The following PTPRD variants were observed in gnomAD, a reference collection of about 807,000 sequenced individuals.
PTPRD encodes the protein receptor-type tyrosine-protein phosphatase delta.
A neutral mutation model predicts 214.5 loss-of-function variants in PTPRD; 34 were observed. The ratio of observed to expected loss-of-function variants is 0.16; its 90% CI spans 0.12 to 0.21. PTPRD has a LOEUF of 0.21. Among genes scored for constraint, PTPRD ranks in the 10% least tolerant of loss-of-function variants. The probability of loss-of-function intolerance (pLI) is 1.00; values close to 1 mark genes in which losing one functional copy is unlikely to be tolerated. For missense variants in PTPRD, 2,545 were observed against 2,398.7 expected (o/e 1.06, Z -1.27); for synonymous variants, 1,128 against 845.7 (o/e 1.33, Z -5.79).
chr9:9,032,306 TG>T (rs2099608126), intron 10 of PTPRD, among the ~76,000 whole-genome samples: 1 of 152,094 alleles, frequency 6.6e-6, no homozygotes, highest in Non-Finnish European at 1.5e-5. Context: ...TTGCTTTTCA[TG>T]GTGTGGCATT....
At chr9:9,036,191 T>C (rs2099621178) in intron 10 of PTPRD, among the ~76,000 whole-genome samples, 1 of 144,868 alleles carries the variant, frequency 6.9e-6, no homozygotes, top group African/African-American at 2.6e-5. Context: ...CCTCCTCATT[T>C]GCAAATTTTC....
At chr9:9,808,947 TGTA>T (rs1457786582) in intron 5 of PTPRD, among the ~76,000 whole-genome samples, 1 of 99,082 alleles carries the variant, frequency 1.0e-5, no homozygotes, top group East Asian at 5.5e-4. Context: ...ATTTTTATTT[TGTA>T]TTTTTTTTTT....
chr9:8,548,454 C>G lies in PTPRD; in HGVS notation c.353-19675G>C, dbSNP rs147084603. On this transcript the variant is annotated intron_variant, in intron 14 of 45. Coordinates refer to ENST00000381196, the MANE Select transcript of PTPRD (RefSeq NM_002839.4). The stretch of plus-strand genomic sequence containing the variant: ...ACAATCTCATCTCACTGCAACCTCA[C>G]CCTCCCAGGTTCAAGCGATTCTTGT... 2.1e-3 allele frequency among the ~76,000 whole-genome samples: 324 copies of G among 152,052 alleles called. 1 individual carries two copies. The highest frequency in any genetic ancestry group is 4.0e-3 in the Non-Finnish European group (270 of 67,968).
intron 3 of PTPRD, among the ~76,000 whole-genome samples, chr9:10,088,075 C>G (rs2098378584): frequency 6.6e-6 from 1 of 151,702 alleles, no homozygotes; most frequent in Non-Finnish European, 1.5e-5. Flanking sequence ...TTCATCCATT[C>G]ACGAATTTAC....
chr9:10,188,083 A>T (rs902836453), intron 3 of PTPRD, among the ~76,000 whole-genome samples: 1 of 152,196 alleles, frequency 6.6e-6, no homozygotes, highest in African/African-American at 2.4e-5. Flanking sequence ...TGCTAACATT[A>T]TTTAACATTA....
At chr9:10,049,598 A>C (rs1036142196) in intron 3 of PTPRD, among the ~76,000 whole-genome samples, 2 of 152,296 alleles carry the variant, frequency 1.3e-5, no homozygotes, top group Non-Finnish European at 2.9e-5. Flanking sequence ...TTTGAAGAGA[A>C]AGTTAATTTG....
chr9:10,283,125 T>TACACACACACAC lies in PTPRD; in HGVS notation c.-545+57826_-545+57837dup, dbSNP rs58492445. On this transcript the variant is annotated intron_variant, in intron 3 of 45. Transcript: ENST00000381196. Reference sequence around the variant, plus strand: ...ATTCCTCAAAACCTGCCTGCATATGTACACACACACACACACACACACAAA... The same window carrying TACACACACACAC: ...ATTCCTCAAAACCTGCCTGCATATGTACACACACACACACACACACACACACACACACACAAA... 4.0e-5 allele frequency among the ~76,000 whole-genome samples: 6 copies of TACACACACACAC among 149,494 alleles called. No individual in the cohort carries two copies. In the South Asian group the frequency reaches 6.3e-4, roughly 16 times the overall value.
chr9:10,465,996 C>A (rs995495048), intron 2 of PTPRD, among the ~76,000 whole-genome samples: 7 of 152,080 alleles, frequency 4.6e-5, no homozygotes, highest in African/African-American at 1.7e-4. Flanking sequence ...ACTATGATTA[C>A]CGATTGAAAA....
chr9:8,948,347 G>A (rs1335348962), intron 11 of PTPRD, among the ~76,000 whole-genome samples: 1 of 134,718 alleles, frequency 7.4e-6, no homozygotes, highest in Admixed American at 8.6e-5. Context: ...CTATGCCCAT[G>A]CATCTTCAAT....
intron 9 of PTPRD, among the ~76,000 whole-genome samples, chr9:9,359,081 T>C (rs1289183898): frequency 6.6e-6 from 1 of 151,360 alleles, no homozygotes; most frequent in East Asian, 1.9e-4. Context: ...TATCTCAAAC[T>C]GTGAATACTG....
chr9:9,990,061 G>A (rs1429642282), intron 4 of PTPRD, among the ~76,000 whole-genome samples: 13 of 152,202 alleles, frequency 8.5e-5, no homozygotes, highest in South Asian at 4.1e-4. Flanking sequence ...CCTTGTCCTC[G>A]GACTTTCCTC....
At chr9:9,007,045 A>T (rs1277633380) in intron 11 of PTPRD, among the ~76,000 whole-genome samples, 1 of 151,964 alleles carries the variant, frequency 6.6e-6, no homozygotes, top group Non-Finnish European at 1.5e-5. Context: ...AGTTCAGCTT[A>T]TCTTAACTTC....
At chr9:10,183,256 G>A (rs942773117) in intron 3 of PTPRD, among the ~76,000 whole-genome samples, 1 of 152,032 alleles carries the variant, frequency 6.6e-6, no homozygotes, top group South Asian at 2.1e-4. Flanking sequence ...GGGTACCTCA[G>A]AAAAACAGAG....
At chr9:8,547,641 T>TAAAAAAA (rs759867541) in intron 14 of PTPRD, among the ~76,000 whole-genome samples, 1 of 110,974 alleles carries the variant, frequency 9.0e-6, no homozygotes. Flanking sequence ...GAATCCTATT[T>TAAAAAAA]AAAAAAAAAA....
intron 12 of PTPRD, among the ~76,000 whole-genome samples, chr9:8,651,117 A>T (rs979808295): frequency 5.9e-5 from 9 of 152,214 alleles, no homozygotes; most frequent in African/African-American, 2.2e-4. Flanking sequence ...CAAATATCCA[A>T]ATTCTTTTTT....
At chr9:10,115,898 A>G (rs2098727051) in intron 3 of PTPRD, among the ~76,000 whole-genome samples, 1 of 152,088 alleles carries the variant, frequency 6.6e-6, no homozygotes, top group African/African-American at 2.4e-5. Context: ...CTAAGTAAAA[A>G]CAAAATCTCT....
intron 8 of PTPRD, among the ~76,000 whole-genome samples, chr9:9,433,490 T>G (rs1034455225): frequency 6.6e-6 from 1 of 152,212 alleles, no homozygotes; most frequent in African/African-American, 2.4e-5. Context: ...CTTTTTATTT[T>G]TTTAAAGTGC....
intron 14 of PTPRD, among the ~76,000 whole-genome samples, chr9:8,575,208 C>T (rs907075096): frequency 1.3e-5 from 2 of 151,954 alleles, no homozygotes; most frequent in Non-Finnish European, 2.9e-5. Flanking sequence ...CTAAATTGTT[C>T]CTGAAATTAA....
At chr9:9,505,446 G>A (rs896043982) in intron 8 of PTPRD, among the ~76,000 whole-genome samples, 1 of 151,476 alleles carries the variant, frequency 6.6e-6, no homozygotes, top group African/African-American at 2.4e-5. Context: ...AGATTAGAAA[G>A]ACTTTTAGCC....
Sources: gnomAD v4.1 joint callset for allele counts (sites outside exome capture counted in the v4.1 genomes callset) on GRCh38, gnomAD v4.1.1 for gene constraint, MANE v1.5 for transcripts, NCBI Gene and HGNC (gene_info 2026-07-23, HGNC 2026-07-21) for gene names.